The following SLC35F4 variants were observed in gnomAD, a reference collection of about 807,000 sequenced individuals.
SLC35F4 encodes solute carrier family 35 member F4.
In SLC35F4, 24 loss-of-function variants were observed where a neutral mutation model predicts 44.2. That is an observed-to-expected ratio of 0.54 (90% confidence interval 0.39 to 0.76). The LOEUF (loss-of-function observed/expected upper bound fraction) is 0.76. Ranked by LOEUF, SLC35F4 falls within the 30% of genes least tolerant of loss-of-function variation. The pLI is 0.00. For synonymous variants in SLC35F4, 238 were observed against 223.6 expected (o/e 1.06, Z -0.57); for missense variants, 562 against 586.1 (o/e 0.96, Z 0.42).
chr14:57,697,824 C>T (rs1265943702), intron 1 of SLC35F4, among the ~76,000 whole-genome samples: 2 of 152,244 alleles, frequency 1.3e-5, no homozygotes, highest in South Asian at 4.1e-4. Flanking sequence ...TACAGACATA[C>T]ATGTGTATGG....
At chr14:57,897,272 A>G (rs1888893512) in intron 1 of SLC35F4, among the ~76,000 whole-genome samples, 1 of 152,068 alleles carries the variant, frequency 6.6e-6, no homozygotes. Flanking sequence ...GCTCCTTAGC[A>G]TTGTGTGGGA....
chr14:57,596,223 T>A (rs2070478680), intron 1 of SLC35F4: 1 of 156,614 alleles, frequency 6.4e-6, no homozygotes, highest in Non-Finnish European at 1.4e-5. Context: ...TTTAGAAAAT[T>A]AAAAATTTAC....
downstream of SLC35F4, among the ~76,000 whole-genome samples, chr14:57,973,545 G>A (rs1397418700): frequency 6.6e-6 from 1 of 152,154 alleles, no homozygotes; most frequent in Non-Finnish European, 1.5e-5. Context: ...AGCAGGAAGG[G>A]CATGCTGTCA....
chr14:57,686,488 C>T (rs2075072124), intron 1 of SLC35F4, among the ~76,000 whole-genome samples: 1 of 152,140 alleles, frequency 6.6e-6, no homozygotes. Flanking sequence ...TTTTTAACAG[C>T]TCCCTCCTCT....
chr14:57,642,258 T>A lies in SLC35F4; in HGVS notation c.104-48134A>T, dbSNP rs188134763. Among the ~76,000 whole-genome samples the A allele has an allele frequency of 1.9e-3, 294 of 151,950 alleles. 2 individuals carry two copies. Among genetic ancestry groups the A allele is most frequent in the South Asian group, 0.018 (88 of 4,814 alleles). On this transcript the variant is annotated intron_variant, in intron 1 of 7. Coordinates refer to ENST00000556826, the MANE Select transcript of SLC35F4 (RefSeq NM_001306087.2). ...TCTTTCTACGTTTAACTCTTTCCAT[T>A]GTTGGTGAAGGTGTTTACATTGAAG...
At chr14:57,843,568 A>G (rs967761356) in intron 1 of SLC35F4, among the ~76,000 whole-genome samples, 3 of 152,164 alleles carry the variant, frequency 2.0e-5, no homozygotes, top group Non-Finnish European at 4.4e-5. Context: ...TGAGGAACAA[A>G]AAGATAATCT....
intron 1 of SLC35F4, among the ~76,000 whole-genome samples, chr14:57,844,992 C>T (rs2140970653): frequency 6.6e-6 from 1 of 152,056 alleles, no homozygotes; most frequent in South Asian, 2.1e-4. Context: ...AATCTCTTTT[C>T]TTCTTTCTAA....
downstream of SLC35F4, among the ~76,000 whole-genome samples, chr14:57,975,809 C>G (rs1881198552): frequency 6.6e-6 from 1 of 152,066 alleles, no homozygotes; most frequent in South Asian, 2.1e-4. Context: ...GAGATGGGCT[C>G]TATAGAATAA....
At chr14:57,641,047 C>T (rs1269362059) in intron 1 of SLC35F4, among the ~76,000 whole-genome samples, 3 of 151,822 alleles carry the variant, frequency 2.0e-5, no homozygotes, top group Admixed American at 6.6e-5. Context: ...GAAAGCATTA[C>T]CACACGAAAG....
At chr14:57,737,916 T>C (rs938656945) in intron 1 of SLC35F4, among the ~76,000 whole-genome samples, 1 of 152,152 alleles carries the variant, frequency 6.6e-6, no homozygotes, top group Non-Finnish European at 1.5e-5. Flanking sequence ...GATTACAATA[T>C]TCATAAGTAG....
intron 1 of SLC35F4, among the ~76,000 whole-genome samples, chr14:57,912,926 C>G (rs566246346): frequency 2.0e-5 from 3 of 152,076 alleles, no homozygotes; most frequent in Admixed American, 2.0e-4. Context: ...GGTTTCTTTC[C>G]TCACATATTT....
At chr14:57,831,759 CA>C in intron 1 of SLC35F4, among the ~76,000 whole-genome samples, 1 of 152,166 alleles carries the variant, frequency 6.6e-6, no homozygotes, top group Middle Eastern at 3.4e-3. Context: ...AACACCTTTG[CA>C]AAACAGAAGA....
intron 1 of SLC35F4, among the ~76,000 whole-genome samples, chr14:57,909,347 T>C (rs1444954843): frequency 6.6e-6 from 1 of 152,124 alleles, no homozygotes; most frequent in Non-Finnish European, 1.5e-5. Context: ...CTATGGGATT[T>C]GATAAATATA....
chr14:57,662,499 T>TAGAGCAGTTCTTGTTAGAGCTAG (rs2074169590), intron 1 of SLC35F4, among the ~76,000 whole-genome samples: 1 of 152,170 alleles, frequency 6.6e-6, no homozygotes, highest in Non-Finnish European at 1.5e-5. Context: ...TAGAGCAGGT[T>TAGAGCAGTTCTTGTTAGAGCTAG]GTTATAAGCC....
intron 1 of SLC35F4, among the ~76,000 whole-genome samples, chr14:57,910,180 T>C (rs749044149): frequency 1.4e-4 from 21 of 152,130 alleles, no homozygotes; most frequent in Non-Finnish European, 2.4e-4. Flanking sequence ...TTAAGAATCC[T>C]TTGTATATTT....
chr14:57,822,715 T>TCTC (rs1453571003), intron 1 of SLC35F4, among the ~76,000 whole-genome samples: 2 of 152,220 alleles, frequency 1.3e-5, no homozygotes, highest in African/African-American at 4.8e-5. Context: ...CTCCTAGGGT[T>TCTC]CTGATTATCT....
intron 1 of SLC35F4, among the ~76,000 whole-genome samples, chr14:57,794,045 A>G (rs145178126): frequency 1.3e-5 from 2 of 152,226 alleles, no homozygotes; most frequent in African/African-American, 2.4e-5. Context: ...CTTTCATCAT[A>G]TAAAAAATTA....
chr14:57,568,820 A>G (rs1358207996), intron 6 of SLC35F4, among the ~76,000 whole-genome samples: 1 of 152,164 alleles, frequency 6.6e-6, no homozygotes, highest in East Asian at 1.9e-4. Flanking sequence ...GAGTGGGCAG[A>G]GGGAGTTGAC....
chr14:57,845,765 C>A (rs139471032), intron 1 of SLC35F4, among the ~76,000 whole-genome samples: 137 of 152,276 alleles, frequency 9.0e-4, no homozygotes, highest in Non-Finnish European at 1.5e-3. Context: ...GAACTCTAAA[C>A]TCCAAGTATG....
Sources: gnomAD v4.1 joint callset for allele counts (sites outside exome capture counted in the v4.1 genomes callset) on GRCh38, gnomAD v4.1.1 for gene constraint, MANE v1.5 for transcripts, NCBI Gene and HGNC (gene_info 2026-07-23, HGNC 2026-07-21) for gene names.